The following KANSL1 variants were observed in gnomAD, a reference collection of about 807,000 sequenced individuals.
KANSL1 encodes the protein MLL1/MLL complex subunit KANSL1.
In KANSL1, 22 loss-of-function variants were observed where a neutral mutation model predicts 103.6. That is an observed-to-expected ratio of 0.21 (90% CI 0.15 to 0.30). The LOEUF is 0.30. KANSL1 is among the 10% of genes least tolerant of loss of function. The pLI is 1.00. For synonymous variants in KANSL1, 600 were observed against 527.6 expected (o/e 1.14, Z -1.88); for missense variants, 1,337 against 1,399.8 (o/e 0.96, Z 0.72).
At chr17:46,173,879 C>T (rs1435071270) in intron 1 of KANSL1, among the ~76,000 whole-genome samples, 1 of 152,194 alleles carries the variant, frequency 6.6e-6, no homozygotes, top group Non-Finnish European at 1.5e-5. Context: ...ATAAAGCACT[C>T]TGCTGCTTTA....
At position 46,066,654 on chromosome 17, in the gene KANSL1, C is replaced by T. The variant is rs1472394206; in HGVS notation, c.1731G>A (p.Leu577=). 6 of 1,614,168 alleles carry T rather than the reference C, an allele frequency of 3.7e-6. No individual in the cohort carries two copies. Among genetic ancestry groups the T allele is most frequent in the Middle Eastern group, 1.7e-4 (1 of 6,060 alleles). ...AEEQLHKKQR[L]NLVSSSSDGT... is the part of the protein sequence containing the mutation. ...CATCAGATGATGAAGAGACGAGATTCAGTCGTTGCTTCTTATGTAATTGTT... is the reference window on the plus strand; with the variant it reads ...CATCAGATGATGAAGAGACGAGATTTAGTCGTTGCTTCTTATGTAATTGTT... The change falls in exon 6 of 15, where the codon CTG becomes CTA. Residue 577 remains leucine (L), a synonymous_variant. Coordinates refer to ENST00000432791, the MANE Select transcript of KANSL1 (RefSeq NM_015443.4).
intron 2 of KANSL1, among the ~76,000 whole-genome samples, chr17:46,135,905 C>A (rs964918716): frequency 6.6e-6 from 1 of 152,064 alleles, no homozygotes; most frequent in Admixed American, 6.5e-5. Flanking sequence ...AGGCTCTATT[C>A]AGCATTTCCA....
intron 7 of KANSL1, 157 bp from the exon 8 acceptor site, chr17:46,040,041 A>G (rs2077266631): frequency 1.7e-6 from 1 of 576,374 alleles, no homozygotes; most frequent in Non-Finnish European, 3.0e-6. Context: ...ACATTACTGA[A>G]GGTCATTCTT....
At chr17:46,130,140 T>C (rs1167626832) in intron 2 of KANSL1, among the ~76,000 whole-genome samples, 1 of 137,622 alleles carries the variant, frequency 7.3e-6, no homozygotes, top group African/African-American at 2.8e-5. Flanking sequence ...TGAGCTGAGA[T>C]GGTGCCACTG....
chr17:46,148,899 T>TAA (rs202016754), intron 2 of KANSL1, among the ~76,000 whole-genome samples: 301 of 138,854 alleles, frequency 2.2e-3, no homozygotes, highest in Middle Eastern at 3.8e-3. Flanking sequence ...TGCTTACACT[T>TAA]AAAAAAAAAA....
At position 46,082,515 on chromosome 17, in the gene KANSL1, G is replaced by C. The variant is rs566436667; in HGVS notation, c.1459C>G (p.Pro487Ala). The C allele has an allele frequency of 2.5e-6, 4 of 1,611,680 alleles. No homozygotes were observed. The African/African-American group carries it at 4.0e-5, about 16-fold the overall frequency. ...KGLIVLGEVP[P>A]PEHTTDLFLP... Reference sequence around the variant, plus strand: ...AATAAGTCTGTTGTATGCTCTGGGGGAGGTACCTCCCCAAGAACTATCAAC... The same window carrying C: ...AATAAGTCTGTTGTATGCTCTGGGGCAGGTACCTCCCCAAGAACTATCAAC... The change falls in exon 4 of 15, where the codon CCC becomes GCC. Residue 487 changes from proline (P) to alanine (A), a missense_variant. Transcript: ENST00000432791.
intron 2 of KANSL1, among the ~76,000 whole-genome samples, chr17:46,109,754 G>A (rs2042723857): frequency 6.6e-6 from 1 of 152,224 alleles, no homozygotes; most frequent in African/African-American, 2.4e-5. Flanking sequence ...AGTTGCTGCT[G>A]CTCTTACAAG....
chr17:46,130,187 C>CAAAA (rs35017603), intron 2 of KANSL1, among the ~76,000 whole-genome samples: 153 of 75,392 alleles, frequency 2.0e-3, no homozygotes, highest in Middle Eastern at 0.011. Flanking sequence ...ATCCTGTCTC[C>CAAAA]AAAAAAAAAA....
chr17:46,058,815 A>T (rs2078039283), intron 6 of KANSL1, among the ~76,000 whole-genome samples: 1 of 151,318 alleles, frequency 6.6e-6, no homozygotes, highest in Non-Finnish European at 1.5e-5. Flanking sequence ...AAATGCTGAC[A>T]TAATGACAAT....
intron 1 of KANSL1, 65 bp downstream of exon 1, chr17:46,192,758 G>C (rs1469263737): frequency 6.4e-6 from 1 of 157,334 alleles, no homozygotes; most frequent in African/African-American, 2.4e-5. Context: ...GGGAGCCACA[G>C]GGAGAGCGAG....
intron 1 of KANSL1, among the ~76,000 whole-genome samples, chr17:46,189,115 A>C (rs2147896807): frequency 6.6e-6 from 1 of 151,080 alleles, no homozygotes; most frequent in East Asian, 2.0e-4. Flanking sequence ...CAGGAGGCTA[A>C]GGCAGGAAGA....
intron 6 of KANSL1, among the ~76,000 whole-genome samples, chr17:46,057,764 C>T (rs1248423044): frequency 6.6e-6 from 1 of 152,128 alleles, no homozygotes; most frequent in Non-Finnish European, 1.5e-5. Context: ...AGTGGTAGAA[C>T]CTAGGGAGTA....
chr17:46,186,237 G>C (rs1216712478), intron 1 of KANSL1, among the ~76,000 whole-genome samples: 2 of 150,254 alleles, frequency 1.3e-5, no homozygotes, highest in African/African-American at 2.4e-5. Context: ...AAAAAAATTA[G>C]CTGAGCATGA....
At chr17:46,106,175 T>C (rs2042557286) in intron 2 of KANSL1, among the ~76,000 whole-genome samples, 1 of 152,320 alleles carries the variant, frequency 6.6e-6, no homozygotes, top group South Asian at 2.1e-4. Context: ...CAGTGAACAC[T>C]GAGTTCCAAA....
intron 3 of KANSL1, among the ~76,000 whole-genome samples, chr17:46,086,730 G>C (rs781627590): frequency 3.3e-5 from 5 of 152,144 alleles, no homozygotes; most frequent in African/African-American, 4.8e-5. Flanking sequence ...AATGGAGGAG[G>C]ACTGCTTGAG....
At chr17:46,084,902 T>A (rs1047052134) in intron 3 of KANSL1, among the ~76,000 whole-genome samples, 7 of 152,100 alleles carry the variant, frequency 4.6e-5, no homozygotes, top group African/African-American at 1.7e-4. Flanking sequence ...AAATAAAAAC[T>A]ATTTGCAAAA....
At chr17:46,144,679 T>C (rs958550162) in intron 2 of KANSL1, among the ~76,000 whole-genome samples, 1 of 149,762 alleles carries the variant, frequency 6.7e-6, no homozygotes, top group Admixed American at 6.7e-5. Context: ...TACTACATAA[T>C]AAAAAAAAAA....
At chr17:46,083,067 T>C (rs951911377) in intron 3 of KANSL1, among the ~76,000 whole-genome samples, 20 of 152,182 alleles carry the variant, frequency 1.3e-4, no homozygotes, top group Non-Finnish European at 2.5e-4. Flanking sequence ...ACCTGCTTTT[T>C]TCATAAGCAT....
chr17:46,171,960 C>A lies in KANSL1; in HGVS notation c.184G>T (p.Asp62Tyr). ...KAIAAEDPSL[D>Y]FRNNPTKEDL... ...TCCTTGGTAGGATTATTTCGGAAAT[C>A]TAGGCTGGGATCCTCTGCAGCAATG... is the stretch of plus-strand genomic sequence containing the variant. Residue 62 changes from aspartate (D) to tyrosine (Y), a missense_variant, in exon 2 of 15, where the codon GAT (aspartate) becomes TAT (tyrosine). Asp to Tyr is a radical substitution (Grantham distance 160). Transcript: ENST00000432791. 1 of 1,614,260 alleles carries A rather than the reference C, an allele frequency of 6.2e-7. No homozygotes were observed. The highest frequency in any genetic ancestry group is 8.5e-7 in the Non-Finnish European group (1 of 1,180,050).
Sources: allele counts gnomAD v4.1 joint callset (sites outside exome capture counted in the v4.1 genomes callset), GRCh38; gene constraint gnomAD v4.1.1; transcripts MANE v1.5; gene names NCBI Gene and HGNC (gene_info 2026-07-23, HGNC 2026-07-21).